PKD2L1: variants seen among roughly 807,000 people sequenced by gnomAD.
PKD2L1 encodes the protein polycystin-2-like protein 1.
PKD2L1 carries 77 observed loss-of-function variants against 93.0 expected under a neutral mutation model. The observed-to-expected ratio is 0.83, with a 90% CI of 0.69 to 1.00. The LOEUF (loss-of-function observed/expected upper bound fraction) is 1.00, where lower values mean the gene tolerates loss of function less well. PKD2L1 is among the 50% of genes least tolerant of loss of function. PKD2L1 has a pLI of 0.00. For missense variants in PKD2L1, 977 were observed against 990.9 expected (o/e 0.99, Z 0.19); for synonymous variants, 390 against 388.0 (o/e 1.01, Z -0.06).
In PKD2L1 at chr10:100,291,314, A is replaced by G. The variant is rs772769280; in HGVS notation, c.1994T>C (p.Leu665Pro). Residue 665 changes from leucine (L) to proline (P), a missense_variant, in exon 12 of 16, where the codon CTG becomes CCG. Leu to Pro is a moderately conservative substitution (Grantham distance 98). Transcript: ENST00000318222. Reference protein sequence around the residue: ...EKEQEKMRQDLEEERVALNTE... With the variant: ...EKEQEKMRQDPEEERVALNTE... ...AGCCCAGCTCACCCTCTCTTCCTCC[A>G]GGTCCTGTCGCATTTTTTCCTGTTC... is the stretch of plus-strand genomic sequence containing the variant. 1.2e-5 allele frequency: 20 copies of G among 1,613,742 alleles called. No individual in the cohort carries two copies. In the Admixed American group the frequency reaches 3.3e-4, roughly 27 times the overall value.
intron 14 of PKD2L1, among the ~76,000 whole-genome samples, chr10:100,289,621 A>G (rs1259507014): frequency 6.6e-6 from 1 of 152,198 alleles, no homozygotes; most frequent in Admixed American, 6.5e-5. Flanking sequence ...AGGGCACAGC[A>G]AGAAGACAGC....
chr10:100,295,083 A>G lies in PKD2L1; in HGVS notation c.1397T>C (p.Leu466Pro), dbSNP rs761719742. 1 of 1,614,126 alleles carries G rather than the reference A, an allele frequency of 6.2e-7. No individual in the cohort carries two copies. The highest frequency in any genetic ancestry group is 8.5e-7 in the Non-Finnish European group (1 of 1,179,978). ...YISFNKTMTQ[L>P]SSTLARCAKD... is the part of the protein sequence containing the mutation. Reference sequence around the variant, plus strand: ...GGCACAGCGGGCCAGCGTGGAGGAGAGCTGGGTCATGGTTTTGTTGAAGCT... The same window carrying G: ...GGCACAGCGGGCCAGCGTGGAGGAGGGCTGGGTCATGGTTTTGTTGAAGCT... Residue 466 changes from leucine (L) to proline (P), a missense_variant, in exon 8 of 16, where the codon CTC (leucine) becomes CCC (proline). Transcript: ENST00000318222.
chr10:100,290,437 C>T lies in PKD2L1; in HGVS notation c.2090G>A (p.Arg697Lys). The T allele has an allele frequency of 3.7e-6, 6 of 1,613,620 alleles. No homozygotes were observed. The South Asian group carries it at 6.6e-5, about 18-fold the overall frequency. ...TTCTCCTGAAACCCAGCCTCCTGCT[C>T]TGGCAGCCTCTGGACCCGATTTGCC... ...PQGKSGPEAA[R>K]AGGWVSGEEF... Residue 697 changes from arginine to lysine, a missense_variant, in exon 13 of 16, where the codon AGA (arginine) becomes AAA (lysine). Transcript: ENST00000318222.
rs1257434809 is a variant in PKD2L1, at chr10:100,329,945, AG to A, written c.158del (p.Pro53LeufsTer33). ...TGPLQPQPKK[P>X]EDEPQETAYR... The stretch of plus-strand genomic sequence containing the variant: ...ATGCCGTCTCCTGGGGTTCATCTTC[AG>A]GCTTCTTGGGTTGGGGCTGGAGAGG... On this transcript the variant is annotated frameshift_variant, in exon 1 of 16. Transcript: ENST00000318222. LOFTEE classifies it high-confidence loss of function. 1.2e-6 allele frequency: 2 copies of A among 1,613,996 alleles called. No homozygotes were observed. The highest frequency in any genetic ancestry group is 1.1e-5 in the South Asian group (1 of 91,078).
At chr10:100,300,994 A>G (rs183677054) in intron 2 of PKD2L1, among the ~76,000 whole-genome samples, 1 of 152,158 alleles carries the variant, frequency 6.6e-6, no homozygotes. Context: ...TGCTGGTCTG[A>G]GAAATAAAGG....
chr10:100,316,598 A>G (rs1447348682), intron 2 of PKD2L1, among the ~76,000 whole-genome samples: 3 of 152,262 alleles, frequency 2.0e-5, no homozygotes, highest in Non-Finnish European at 4.4e-5. Flanking sequence ...GCATTTTGCT[A>G]ATAAGCTCTC....
At position 100,289,032 on chromosome 10, in the gene PKD2L1, G is replaced by A. The variant is rs1848344953; in HGVS notation, c.2275C>T (p.Pro759Ser). Residue 759 changes from proline (P) to serine (S), a missense_variant, in exon 15 of 16, where the codon CCG becomes TCG. Pro to Ser is a moderately conservative substitution (Grantham distance 74). Coordinates refer to ENST00000318222, the MANE Select transcript of PKD2L1 (RefSeq NM_016112.3). ...GGGGTCACAGCTGGGGCTGGCTGCG[G>A]GTGCTTCCAAATAGCTTGTTCCTTC... ...GVKEQAIWKH[P>S]QPAPAVTPDP... 6.2e-7 allele frequency: 1 copy of A among 1,612,964 alleles called. No individual in the cohort carries two copies. Among genetic ancestry groups the A allele is most frequent in the Non-Finnish European group, 8.5e-7 (1 of 1,179,296 alleles).
At chr10:100,320,835 T>C (rs1444906050) in intron 2 of PKD2L1, among the ~76,000 whole-genome samples, 1 of 152,188 alleles carries the variant, frequency 6.6e-6, no homozygotes, top group African/African-American at 2.4e-5. Context: ...GTATAATCCC[T>C]TACAGAGGCA....
At chr10:100,296,098 G>T in intron 7 of PKD2L1, 24 bp downstream of exon 7, 1 of 1,585,936 alleles carries the variant, frequency 6.3e-7, no homozygotes, top group East Asian at 2.3e-5. Context: ...TTGAAGCAAA[G>T]CTGGGTGTGG....
intron 14 of PKD2L1, 121 bp downstream of exon 14, chr10:100,289,894 G>T: frequency 8.7e-7 from 1 of 1,155,674 alleles, no homozygotes. Flanking sequence ...CTATGAACAT[G>T]TTTCCCCAGG....
chr10:100,299,809 A>T, intron 2 of PKD2L1, 91 bp from the exon 3 acceptor site: 3 of 1,176,498 alleles, frequency 2.5e-6, no homozygotes, highest in Non-Finnish European at 3.8e-6. Context: ...GATGCTTCCA[A>T]GATGGAAGCC....
Position 100,303,191 on chromosome 10 carries a change from G to T in PKD2L1, c.350-3473C>A, listed in dbSNP as rs896980318. Among the ~76,000 whole-genome samples, 74 of 128,862 alleles carry T rather than the reference G, an allele frequency of 5.7e-4. 1 individual carries two copies. Among genetic ancestry groups the T allele is most frequent in the South Asian group, 1.2e-3 (5 of 4,108 alleles). 84.5% of individuals were successfully genotyped at this position (128,862 alleles called of 152,430 possible). On this transcript the variant is annotated intron_variant, in intron 2 of 15. Coordinates refer to ENST00000318222, the MANE Select transcript of PKD2L1 (RefSeq NM_016112.3). ...TTTAAGTCCATAATTACATCAAACT[G>T]TTTTTTTGTTTTTTTTTTTGAGACG...
intron 4 of PKD2L1, among the ~76,000 whole-genome samples, chr10:100,297,993 C>T (rs903039084): frequency 3.9e-5 from 6 of 152,078 alleles, no homozygotes; most frequent in Admixed American, 3.3e-4. Flanking sequence ...CTTGAATAGT[C>T]CCCCTAAGGG....
At chr10:100,309,743 C>G (rs1848888639) in intron 2 of PKD2L1, among the ~76,000 whole-genome samples, 1 of 152,170 alleles carries the variant, frequency 6.6e-6, no homozygotes, top group African/African-American at 2.4e-5. Flanking sequence ...GTGATCTTCT[C>G]TTTTCTACTA....
Position 100,292,975 on chromosome 10 carries a change from A to G in PKD2L1, c.1853T>C (p.Phe618Ser), listed in dbSNP as rs770715997. The G allele has an allele frequency of 1.4e-5, 23 of 1,613,992 alleles. No individual in the cohort carries two copies. The highest frequency in any genetic ancestry group is 3.3e-4 in the Middle Eastern group (2 of 6,084). ...CCTTAAGGTGTTGGTGAAATCCTCA[A>G]ACTGGATCTCCTGCTCCCCACCCTG... Reference protein sequence around the residue: ...VLQGGEQEIQFEDFTNTLREL... With the variant: ...VLQGGEQEIQSEDFTNTLREL... Residue 618 changes from phenylalanine (F) to serine (S), a missense_variant, in exon 11 of 16, where the codon TTT (phenylalanine) becomes TCT (serine). Transcript: ENST00000318222.
intron 4 of PKD2L1, 70 bp downstream of exon 4, chr10:100,298,492 C>T (rs1161816050): frequency 8.5e-6 from 13 of 1,527,962 alleles, no homozygotes; most frequent in Non-Finnish European, 1.2e-5. Context: ...GGAAGTGGTT[C>T]CCAGACCTTG....
chr10:100,294,817 C>T, intron 8 of PKD2L1, 125 bp downstream of exon 8: 3 of 1,300,498 alleles, frequency 2.3e-6, no homozygotes, highest in Non-Finnish European at 3.3e-6. Context: ...TTCTGGAGAC[C>T]CTCACACAGA....
intron 4 of PKD2L1, among the ~76,000 whole-genome samples, chr10:100,298,286 G>A (rs1848596556): frequency 6.6e-6 from 1 of 152,150 alleles, no homozygotes; most frequent in Admixed American, 6.5e-5. Flanking sequence ...TCCCTGGAAG[G>A]ACTACGTGCA....
intron 7 of PKD2L1, 77 bp downstream of exon 7, chr10:100,296,045 A>T: frequency 7.1e-7 from 1 of 1,400,012 alleles, no homozygotes; most frequent in Non-Finnish European, 9.8e-7. Flanking sequence ...AAAAAAAAAA[A>T]AAAGAAAAAA....
Sources: gnomAD v4.1 joint callset for allele counts (sites outside exome capture counted in the v4.1 genomes callset) on GRCh38, gnomAD v4.1.1 for gene constraint, MANE v1.5 for transcripts, NCBI Gene and HGNC (gene_info 2026-07-23, HGNC 2026-07-21) for gene names.